PIK3IP1: variants seen among roughly 807,000 people sequenced by gnomAD.
The protein encoded by PIK3IP1 is phosphoinositide-3-kinase interacting protein 1.
Under a neutral mutation model 30.7 loss-of-function variants are expected in PIK3IP1, and 28 were observed. That is an observed-to-expected ratio of 0.91 (90% CI 0.68 to 1.25). PIK3IP1 has a LOEUF of 1.25. PIK3IP1 is among the 50% of genes most tolerant of loss of function. PIK3IP1 has a pLI of 0.00. For synonymous variants in PIK3IP1, 159 were observed against 140.8 expected, an observed-to-expected ratio of 1.13 and a Z score of -0.91; for missense variants, 333 against 346.2, an observed-to-expected ratio of 0.96 and a Z score of 0.30.
intron 2 of PIK3IP1, 42 bp from the exon 3 acceptor site, chr22:31,291,126 G>C: frequency 6.5e-7 from 1 of 1,538,046 alleles, no homozygotes; most frequent in Non-Finnish European, 8.7e-7. Context: ...GGCTGGCACC[G>C]GGAACGCGGC....
At chr22:31,290,829 A>G (rs1220812233) in intron 3 of PIK3IP1, 136 bp downstream of exon 3, 2 of 1,286,384 alleles carry the variant, frequency 1.6e-6, no homozygotes, top group African/African-American at 1.6e-5. Context: ...CGGCCTGGAG[A>G]CAGCCCTGGC....
In PIK3IP1 at chr22:31,291,023, G is replaced by A. The variant is rs1246245262; in HGVS notation, c.249C>T (p.Tyr83=). ...CAGGGACGCCGGCCTCGCCACTGAC[G>A]TAGCACCAGGGCCCGCGCGGGTCCT... ...PDEDPRGPWC[Y]VSGEAGVPEK... The change falls in exon 3 of 6, where the codon TAC becomes TAT. Residue 83 remains tyrosine (Y), a synonymous_variant. Coordinates refer to ENST00000215912, the MANE Select transcript of PIK3IP1 (RefSeq NM_052880.5). 3 of 1,590,970 alleles carry A rather than the reference G, an allele frequency of 1.9e-6. No individual in the cohort carries two copies. The highest frequency in any genetic ancestry group is 3.5e-5 in the Admixed American group (2 of 57,888).
Position 31,291,254 on chromosome 22 carries a change from G to C in PIK3IP1, c.113C>G (p.Thr38Ser), listed in dbSNP as rs776304885. 6.4e-7 allele frequency: 1 copy of C among 1,553,872 alleles called. No homozygotes were observed. Among genetic ancestry groups the C allele is most frequent in the Non-Finnish European group, 8.7e-7 (1 of 1,149,208 alleles). Residue 38 changes from threonine to serine, a missense_variant, in exon 2 of 6, where the codon ACC (threonine) becomes AGC (serine). Physicochemically the swap from Thr to Ser is moderately conservative, Grantham distance 58. Coordinates refer to ENST00000215912, the MANE Select transcript of PIK3IP1 (RefSeq NM_052880.5). Reference sequence around the variant, plus strand: ...GCAGCGGAGGCCCGGCGCGGGGGAGGTCTGGTCCTCCCGGTACAGGTGGCC... The same window carrying C: ...GCAGCGGAGGCCCGGCGCGGGGGAGCTCTGGTCCTCCCGGTACAGGTGGCC... ...DNGHLYREDQ[T>S]SPAPGLRCLN...
At chr22:31,289,746 G>T in intron 3 of PIK3IP1, 47 bp from the exon 4 acceptor site, 1 of 1,533,204 alleles carries the variant, frequency 6.5e-7, no homozygotes, top group South Asian at 1.2e-5. Flanking sequence ...TGCCCTGAGT[G>T]AATTCCACAG....
At chr22:31,287,581 C>T (rs1174355635) in intron 5 of PIK3IP1, among the ~76,000 whole-genome samples, 4 of 151,996 alleles carry the variant, frequency 2.6e-5, no homozygotes, top group Non-Finnish European at 5.9e-5. Context: ...CTGCCCGCCT[C>T]GGCCTCCCAA....
Position 31,289,402 on chromosome 22 carries a change from G to C in PIK3IP1, c.509-9C>G. 1 of 1,600,966 alleles carries C rather than the reference G, an allele frequency of 6.2e-7. No homozygotes were observed. The highest frequency in any genetic ancestry group is 8.5e-7 in the Non-Finnish European group (1 of 1,173,674). ...AATGCCCAGCACGTAGCCTGCCAAG[G>C]ATAGGACACAAGGTCCCATTAGCCA... On this transcript the variant is annotated splice_polypyrimidine_tract_variant and intron_variant, in intron 4 of 5. Transcript: ENST00000215912.
In PIK3IP1 at chr22:31,281,926, G is replaced by C. The variant is rs2049092384; in HGVS notation, c.*1158C>G. ...GAGGCCCTGCTGAGCTGCTAGCACA[G>C]TGCAGTGGAGAAATGTTGCGCTCCG... On this transcript the variant is annotated 3_prime_UTR_variant, in exon 6 of 6. Coordinates refer to ENST00000215912, the MANE Select transcript of PIK3IP1 (RefSeq NM_052880.5). The C allele has an allele frequency of 6.6e-6, 1 of 152,606 alleles. No individual in the cohort carries two copies. 9.5% of individuals were successfully genotyped at this position (152,606 alleles called of 1,614,324 possible).
Position 31,290,946 on chromosome 22 carries a change from C to A in PIK3IP1, c.307+19G>T. On this transcript the variant is annotated intron_variant, in intron 3 of 5. Transcript: ENST00000215912. Reference sequence around the variant, plus strand: ...TGTCAGCGCCAGGAGCGGGGATTCCCGGGGTCCCGGGCAGGTACCTGGACA... The same window carrying A: ...TGTCAGCGCCAGGAGCGGGGATTCCAGGGGTCCCGGGCAGGTACCTGGACA... 2 of 1,549,846 alleles carry A rather than the reference C, an allele frequency of 1.3e-6. No homozygotes were observed. Among genetic ancestry groups the A allele is most frequent in the Non-Finnish European group, 1.7e-6 (2 of 1,153,048 alleles).
intron 5 of PIK3IP1, 144 bp from the exon 6 acceptor site, chr22:31,283,432 TC>T: frequency 1.2e-6 from 1 of 816,710 alleles, no homozygotes; most frequent in Non-Finnish European, 2.0e-6. Flanking sequence ...CAAACTCAGG[TC>T]CAGGATTCTA....
chr22:31,285,193 G>T (rs1262179391), intron 5 of PIK3IP1, among the ~76,000 whole-genome samples: 1 of 152,180 alleles, frequency 6.6e-6, no homozygotes, highest in East Asian at 1.9e-4. Context: ...GCAGTGCTGT[G>T]CCACACTGCT....
chr22:31,292,318 G>T lies in PIK3IP1; in HGVS notation c.27C>A (p.Phe9Leu). 1 of 1,614,182 alleles carries T rather than the reference G, an allele frequency of 6.2e-7. No homozygotes were observed. The highest frequency in any genetic ancestry group is 8.5e-7 in the Non-Finnish European group (1 of 1,180,036). ...CTGCTAGGAGCATGTTGCTGACGAG[G>T]AATGCTTGTACCCAGGCCAACAGCA... MLLAWVQA[F>L]LVSNMLLAEA... The change falls in exon 1 of 6, where the codon TTC becomes TTA. Residue 9 changes from phenylalanine to leucine, a missense_variant. Phe to Leu is a conservative substitution (Grantham distance 22, BLOSUM62 0). Around this residue, in one of 3 missense-constraint regions of PIK3IP1, gnomAD observed 111 missense variants for 100.1 expected, o/e 1.11. Coordinates refer to ENST00000215912, the MANE Select transcript of PIK3IP1 (RefSeq NM_052880.5).
At position 31,291,313 on chromosome 22, in the gene PIK3IP1, C is replaced by A; in HGVS notation, c.71-17G>T. The A allele has an allele frequency of 6.4e-7, 1 of 1,553,020 alleles. No homozygotes were observed. ...AGAAACAGCCTGTGAGGAAAAGAAG[C>A]CCCCGGACACAGAATAGCGGGCAGC... On this transcript the variant is annotated splice_polypyrimidine_tract_variant and intron_variant, in intron 1 of 5. Coordinates refer to ENST00000215912, the MANE Select transcript of PIK3IP1 (RefSeq NM_052880.5).
At position 31,282,981 on chromosome 22, in the gene PIK3IP1, G is replaced by T. The variant is rs2049100996; in HGVS notation, c.*103C>A. The T allele has an allele frequency of 1.1e-6, 1 of 882,504 alleles. No individual in the cohort carries two copies. The highest frequency in any genetic ancestry group is 1.7e-6 in the Non-Finnish European group (1 of 586,320). The allele number at this position is 882,504 out of a possible 1,614,324, so 54.7% of individuals were successfully genotyped here. ...GGATTCGCCAAAAAAGCGGGGGAGT[G>T]GTAGGGTTTTAACCAGAACACAAAG... On this transcript the variant is annotated 3_prime_UTR_variant, in exon 6 of 6. Transcript: ENST00000215912.
Position 31,283,224 on chromosome 22 carries a change from G to C in PIK3IP1, c.652C>G (p.Leu218Val). 23 of 1,614,226 alleles carry C rather than the reference G, an allele frequency of 1.4e-5. No homozygotes were observed. Among genetic ancestry groups the C allele is most frequent in the Non-Finnish European group, 1.9e-5 (22 of 1,180,036 alleles). ...VCEREMQRIT[L>V]PLSAFTNPTC... The stretch of plus-strand genomic sequence containing the variant: ...GGGTTGGTGAAGGCAGACAAGGGCA[G>C]AGTGATTCGCTGCATCTCCCTCTCA... The change falls in exon 6 of 6, where the codon CTG (leucine) becomes GTG (valine). Residue 218 changes from leucine (L) to valine (V), a missense_variant. Transcript: ENST00000215912.
chr22:31,290,912 G>A (rs1409243585), intron 3 of PIK3IP1, 53 bp downstream of exon 3: 58 of 1,520,236 alleles, frequency 3.8e-5, no homozygotes, highest in Middle Eastern at 2.3e-4. Flanking sequence ...GAGTGTCTCA[G>A]CCGCTTCCTG....
rs752466053 is a variant in PIK3IP1 at position 31,289,487 on chromosome 22, G to A, written c.508+12C>T. 4 of 1,537,224 alleles carry A rather than the reference G, an allele frequency of 2.6e-6. No individual in the cohort carries two copies. The highest frequency in any genetic ancestry group is 2.0e-5 in the Admixed American group (1 of 48,984). On this transcript the variant is annotated intron_variant, in intron 4 of 5. Transcript: ENST00000215912. The stretch of plus-strand genomic sequence containing the variant: ...GAATCCCAACGAGGGCAGGGGTGGG[G>A]GACCGTCATACCCAGAGTTCCCAGG...
chr22:31,283,993 C>T (rs907318478), intron 5 of PIK3IP1, among the ~76,000 whole-genome samples: 3 of 152,158 alleles, frequency 2.0e-5, no homozygotes, highest in Non-Finnish European at 4.4e-5. Flanking sequence ...CAACCTCTGC[C>T]TCTCAGGTTC....
Position 31,290,960 on chromosome 22 carries a change from G to T in PIK3IP1, c.307+5C>A, listed in dbSNP as rs761940617. The T allele has an allele frequency of 9.5e-6, 15 of 1,573,882 alleles. No individual in the cohort carries two copies. Among genetic ancestry groups the T allele is most frequent in the Non-Finnish European group, 1.3e-5 (15 of 1,163,462 alleles). ...GCGGGGATTCCCGGGGTCCCGGGCA[G>T]GTACCTGGACAGCGCAGGTCCTCGC... On this transcript the variant is annotated splice_donor_5th_base_variant and intron_variant, in intron 3 of 5. Coordinates refer to ENST00000215912, the MANE Select transcript of PIK3IP1 (RefSeq NM_052880.5).
chr22:31,283,368 A>C lies in PIK3IP1; in HGVS notation c.588-80T>G, dbSNP rs2049105583. On this transcript the variant is annotated intron_variant, in intron 5 of 5. Coordinates refer to ENST00000215912, the MANE Select transcript of PIK3IP1 (RefSeq NM_052880.5). ...TCATTAGATAGCATCCCTGAGGCTC[A>C]GCAAGAGCAGCAGCTTGCCATTGTC... is the stretch of plus-strand genomic sequence containing the variant. 2.1e-6 allele frequency: 3 copies of C among 1,427,626 alleles called. No homozygotes were observed. In the East Asian group the frequency reaches 7.0e-5, roughly 33 times the overall value. 88.4% of individuals were successfully genotyped at this position (1,427,626 alleles called of 1,614,324 possible).
Sources: allele counts gnomAD v4.1 joint callset (sites outside exome capture counted in the v4.1 genomes callset), GRCh38; gene constraint gnomAD v4.1.1; regional missense constraint gnomAD v4.1.1; transcripts MANE v1.5; gene names NCBI Gene and HGNC (gene_info 2026-07-23, HGNC 2026-07-21).